The following PKHD1L1 variants were observed in gnomAD, a reference collection of about 807,000 sequenced individuals.
PKHD1L1 encodes the protein PKHD1 like 1, also known as fibrocystin-L.
PKHD1L1 carries 434 observed loss-of-function variants against 462.9 expected under a neutral mutation model. The ratio of observed to expected loss-of-function variants is 0.94; its 90% CI spans 0.87 to 1.02. PKHD1L1 has a LOEUF of 1.02. PKHD1L1 is among the 50% of genes least tolerant of loss of function. The probability of loss-of-function intolerance (pLI) is 0.00; values close to 1 mark genes in which losing one functional copy is unlikely to be tolerated. For synonymous variants in PKHD1L1, 1,781 were observed against 1,750.0 expected, an observed-to-expected ratio of 1.02 and a Z score of -0.44; for missense variants, 5,202 against 5,096.1, an observed-to-expected ratio of 1.02 and a Z score of -0.63.
intron 2 of PKHD1L1, among the ~76,000 whole-genome samples, chr8:109,372,718 T>C (rs1811578880): frequency 6.6e-6 from 1 of 152,074 alleles, no homozygotes; most frequent in Non-Finnish European, 1.5e-5. Context: ...ACATGAAGGG[T>C]TGTTGAATTT....
intron 74 of PKHD1L1, 72 bp downstream of exon 74, chr8:109,522,409 T>A: frequency 7.3e-7 from 1 of 1,376,570 alleles, no homozygotes. Context: ...TTATTTTAAC[T>A]CTCTGTTTCT....
chr8:109,498,659 G>C lies in PKHD1L1; in HGVS notation c.10716G>C (p.Gly3572=). 1 of 1,613,828 alleles carries C rather than the reference G, an allele frequency of 6.2e-7. No homozygotes were observed. Among genetic ancestry groups the C allele is most frequent in the South Asian group, 1.1e-5 (1 of 91,062 alleles). ...AHRSPRSPSG[G]RSGICWPTFA... The stretch of plus-strand genomic sequence containing the variant: ...CTTTTTCTTTTTTGGTAAAAGGTGG[G>C]AGAAGTGGGATTTGTTGGCCTACCT... Residue 3572 remains glycine (G), a synonymous_variant, in exon 67 of 78, where the codon GGG becomes GGC. Coordinates refer to ENST00000378402, the MANE Select transcript of PKHD1L1 (RefSeq NM_177531.6).
At position 109,523,363 on chromosome 8, in the gene PKHD1L1, C is replaced by T. The variant is rs1290329043; in HGVS notation, c.12461C>T (p.Thr4154Ile). Residue 4154 changes from threonine (T) to isoleucine (I), a missense_variant, in exon 76 of 78, where the codon ACA becomes ATA. Physicochemically the swap from Thr to Ile is moderately conservative, Grantham distance 89. Coordinates refer to ENST00000378402, the MANE Select transcript of PKHD1L1 (RefSeq NM_177531.6). ...TTTAGCAGCTGTTGGGCCAACTACA[C>T]AGACCTTACTCCCCTTAGAACAGGT... ...IPFSSCWANY[T>I]DLTPLRTGKN... 7 of 1,613,054 alleles carry T rather than the reference C, an allele frequency of 4.3e-6. No individual in the cohort carries two copies. Among genetic ancestry groups the T allele is most frequent in the Non-Finnish European group, 5.9e-6 (7 of 1,179,368 alleles).
rs539117903 is a variant in PKHD1L1, at chr8:109,434,013, C to A, written c.3340+797C>A. 1.2e-4 allele frequency among the ~76,000 whole-genome samples: 18 copies of A among 152,052 alleles called. No individual in the cohort carries two copies. The East Asian group carries it at 1.4e-3, about 11-fold the overall frequency. On this transcript the variant is annotated intron_variant, in intron 28 of 77. Coordinates refer to ENST00000378402, the MANE Select transcript of PKHD1L1 (RefSeq NM_177531.6). ...CATTCTCAGTAAACTAACACAAGAACGGAAAACCAAACACCAGATGTTCTC... is the reference window on the plus strand; with the variant it reads ...CATTCTCAGTAAACTAACACAAGAAAGGAAAACCAAACACCAGATGTTCTC...
intron 71 of PKHD1L1, 130 bp from the exon 72 acceptor site, chr8:109,515,040 C>T: frequency 7.4e-6 from 5 of 677,394 alleles, no homozygotes; most frequent in South Asian, 2.9e-5. Context: ...TTAGTTCATC[C>T]CTTATCCCAA....
In PKHD1L1 at chr8:109,461,718, A is replaced by G. The variant is rs917110212; in HGVS notation, c.7247-54A>G. ...ACACTTAGTTATGAGAAAATCTTCA[A>G]TATAAGAGGATTCCGACAATTTTTT... On this transcript the variant is annotated intron_variant, in intron 47 of 77. Coordinates refer to ENST00000378402, the MANE Select transcript of PKHD1L1 (RefSeq NM_177531.6). The G allele has an allele frequency of 3.0e-5, 46 of 1,546,344 alleles. 1 individual carries two copies. Among genetic ancestry groups the G allele is most frequent in the Admixed American group, 1.8e-4 (9 of 51,310 alleles).
intron 2 of PKHD1L1, among the ~76,000 whole-genome samples, chr8:109,375,169 G>C (rs1329707558): frequency 6.6e-6 from 1 of 152,100 alleles, no homozygotes; most frequent in Non-Finnish European, 1.5e-5. Context: ...TTTTCACATA[G>C]TCCCATATTT....
Position 109,510,823 on chromosome 8 carries a change from G to C in PKHD1L1, c.11442G>C (p.Arg3814Ser). The C allele has an allele frequency of 6.2e-7, 1 of 1,613,242 alleles. No homozygotes were observed. Among genetic ancestry groups the C allele is most frequent in the South Asian group, 1.1e-5 (1 of 91,052 alleles). Residue 3814 changes from arginine to serine, a missense_variant, in exon 71 of 78, where the codon AGG becomes AGC. Arg to Ser is a moderately radical substitution (Grantham distance 110). This residue lies in a region of PKHD1L1 where 698 missense variants were observed against 736.3 expected (regional missense o/e 0.95). Coordinates refer to ENST00000378402, the MANE Select transcript of PKHD1L1 (RefSeq NM_177531.6). ...GWCAGYTCQRRLSLFHSIVAL... is the reference protein window; with the variant it reads ...GWCAGYTCQRSLSLFHSIVAL... ...GTGCTGGATATACATGCCAGAGAAG[G>C]CTGTCCCTGTTTCACAGCATTGTGG...
chr8:109,473,271 G>A (rs995868354), intron 50 of PKHD1L1, among the ~76,000 whole-genome samples: 1 of 152,124 alleles, frequency 6.6e-6, no homozygotes, highest in Non-Finnish European at 1.5e-5. Flanking sequence ...TAGCCCTTTG[G>A]GGGGCAAAGG....
At chr8:109,497,796 A>AGTTC (rs1819192244) in intron 65 of PKHD1L1, among the ~76,000 whole-genome samples, 1 of 151,594 alleles carries the variant, frequency 6.6e-6, no homozygotes. Flanking sequence ...ATCTTGAAAT[A>AGTTC]GTTAAATTTT....
intron 38 of PKHD1L1, among the ~76,000 whole-genome samples, chr8:109,445,917 G>C (rs561024573): frequency 1.8e-4 from 28 of 152,112 alleles, no homozygotes; most frequent in Non-Finnish European, 3.1e-4. Flanking sequence ...GAAAAAATAA[G>C]TGAAGATAGA....
chr8:109,472,601 C>G (rs955339300), intron 50 of PKHD1L1, among the ~76,000 whole-genome samples: 1 of 152,030 alleles, frequency 6.6e-6, no homozygotes, highest in Non-Finnish European at 1.5e-5. Flanking sequence ...CAACGCAGGA[C>G]ATTGCAAATA....
In PKHD1L1 at chr8:109,401,483, C is replaced by G; in HGVS notation, c.1282-14C>G. 1 of 1,415,034 alleles carries G rather than the reference C, an allele frequency of 7.1e-7. No individual in the cohort carries two copies. The highest frequency in any genetic ancestry group is 9.9e-7 in the Non-Finnish European group (1 of 1,006,696). 87.7% of individuals were successfully genotyped at this position (1,415,034 alleles called of 1,614,324 possible). On this transcript the variant is annotated splice_polypyrimidine_tract_variant and intron_variant, in intron 13 of 77. Transcript: ENST00000378402. ...AATTCTCCCTTTTCTCTGTCTCTGTCTCTCTCGGATTAGGTGAGGATTGCA... is the reference window on the plus strand; with the variant it reads ...AATTCTCCCTTTTCTCTGTCTCTGTGTCTCTCGGATTAGGTGAGGATTGCA...
intron 34 of PKHD1L1, 50 bp downstream of exon 34, chr8:109,441,429 A>T (rs748388558): frequency 2.0e-6 from 2 of 1,004,206 alleles, no homozygotes; most frequent in East Asian, 5.5e-5. Context: ...GAAACCTGAA[A>T]TTAATTTGAT....
intron 25 of PKHD1L1, among the ~76,000 whole-genome samples, chr8:109,428,073 A>G (rs1478614878): frequency 1.3e-5 from 2 of 149,636 alleles, no homozygotes; most frequent in Non-Finnish European, 3.0e-5. Flanking sequence ...TGATGATGAG[A>G]GTGCAAGGAA....
intron 73 of PKHD1L1, among the ~76,000 whole-genome samples, chr8:109,519,383 A>G (rs1042485322): frequency 6.6e-6 from 1 of 152,070 alleles, no homozygotes; most frequent in African/African-American, 2.4e-5. Context: ...GGGTCTGAAT[A>G]CCAAGGGGCT....
intron 11 of PKHD1L1, 142 bp from the exon 12 acceptor site, chr8:109,398,317 T>A: frequency 1.7e-6 from 1 of 598,134 alleles, no homozygotes; most frequent in Non-Finnish European, 3.0e-6. Context: ...TAATAGAGAA[T>A]ATGTAAAGGA....
At chr8:109,401,745 T>C (rs1813284672) in intron 14 of PKHD1L1, among the ~76,000 whole-genome samples, 157 bp downstream of exon 14, 1 of 152,184 alleles carries the variant, frequency 6.6e-6, no homozygotes, top group African/African-American at 2.4e-5. Flanking sequence ...TTCAAATGTG[T>C]TTCTTGATTT....
At chr8:109,416,654 A>G (rs1412366075) in intron 21 of PKHD1L1, among the ~76,000 whole-genome samples, 1 of 152,210 alleles carries the variant, frequency 6.6e-6, no homozygotes, top group Non-Finnish European at 1.5e-5. Flanking sequence ...ACCATTCCAC[A>G]GAGGAATTAT....
Sources: gnomAD v4.1 joint callset for allele counts (sites outside exome capture counted in the v4.1 genomes callset) on GRCh38, gnomAD v4.1.1 for gene constraint, gnomAD v4.1.1 regional missense constraint, MANE v1.5 for transcripts, NCBI Gene and HGNC (gene_info 2026-07-23, HGNC 2026-07-21) for gene names.